PPFIA2: variants seen among roughly 807,000 people sequenced by gnomAD.
PPFIA2 encodes PPFI scaffold protein A2.
In PPFIA2, 46 loss-of-function variants were observed where a neutral mutation model predicts 175.5. The ratio of observed to expected loss-of-function variants is 0.26; its 90% CI spans 0.21 to 0.34. PPFIA2 has a LOEUF of 0.34. Among genes scored for constraint, PPFIA2 ranks in the 10% least tolerant of loss-of-function variants. The probability of loss-of-function intolerance (pLI) is 1.00; values close to 1 mark genes in which losing one functional copy is unlikely to be tolerated. For synonymous variants in PPFIA2, 568 were observed against 511.4 expected (o/e 1.11, Z -1.49); for missense variants, 1,179 against 1,506.1 (o/e 0.78, Z 3.60).
chr12:81,447,525 C>A (rs2051518799), intron 5 of PPFIA2, among the ~76,000 whole-genome samples: 1 of 152,154 alleles, frequency 6.6e-6, no homozygotes. Context: ...CATCTCTCAA[C>A]AAGGCATTTG....
intron 7 of PPFIA2, among the ~76,000 whole-genome samples, chr12:81,425,487 G>A (rs1286294268): frequency 5.9e-5 from 9 of 152,106 alleles, no homozygotes; most frequent in African/African-American, 2.2e-4. Context: ...GGGGACTACA[G>A]GCCTGTGCCA....
intron 4 of PPFIA2, among the ~76,000 whole-genome samples, chr12:81,581,517 C>G (rs184621095): frequency 2.7e-4 from 41 of 151,834 alleles, no homozygotes; most frequent in Admixed American, 4.6e-4. Flanking sequence ...ACTGCACACT[C>G]TAACACTCCC....
chr12:81,507,607 C>T (rs2061319898), intron 4 of PPFIA2, among the ~76,000 whole-genome samples: 1 of 152,076 alleles, frequency 6.6e-6, no homozygotes, highest in African/African-American at 2.4e-5. Context: ...TTTATTTTTC[C>T]AAACACATCC....
chr12:81,448,988 T>C (rs2051874868), intron 5 of PPFIA2, among the ~76,000 whole-genome samples: 1 of 152,174 alleles, frequency 6.6e-6, no homozygotes, highest in African/African-American at 2.4e-5. Flanking sequence ...CTATGGACAA[T>C]AAAATATCAA....
At chr12:81,319,351 A>C (rs2053156519) in intron 22 of PPFIA2, among the ~76,000 whole-genome samples, 3 of 151,730 alleles carry the variant, frequency 2.0e-5, no homozygotes, top group African/African-American at 4.8e-5. Context: ...ATTATTATTT[A>C]CGTTCAGGGA....
chr12:81,315,092 TTCTC>T (rs1480904031), intron 22 of PPFIA2, among the ~76,000 whole-genome samples: 1 of 151,806 alleles, frequency 6.6e-6, no homozygotes, highest in Non-Finnish European at 1.5e-5. Flanking sequence ...CTTGGATGGT[TTCTC>T]TCTCTGTCTC....
chr12:81,665,708 T>C (rs1199156401), intron 4 of PPFIA2, among the ~76,000 whole-genome samples: 2 of 151,880 alleles, frequency 1.3e-5, no homozygotes, highest in African/African-American at 2.4e-5. Context: ...AATCACATGG[T>C]TTAAGAAATA....
At chr12:81,337,810 C>G (rs1037036726) in intron 21 of PPFIA2, among the ~76,000 whole-genome samples, 1 of 152,098 alleles carries the variant, frequency 6.6e-6, no homozygotes, top group Non-Finnish European at 1.5e-5. Context: ...TATGACAGAT[C>G]ATTTGGTCAA....
chr12:81,305,006 G>C lies in PPFIA2; in HGVS notation c.2643-5624C>G, dbSNP rs2048803656. Among the ~76,000 whole-genome samples, 5 of 152,034 alleles carry C rather than the reference G, an allele frequency of 3.3e-5. No homozygotes were observed. The South Asian group carries it at 1.0e-3, about 32-fold the overall frequency. ...CAGAAGATAATGGTTGCTTTGTCCT[G>C]AGCTGTGGCAGCAGAAATGGTGAGA... On this transcript the variant is annotated intron_variant, in intron 22 of 32. Coordinates refer to ENST00000549396, the MANE Select transcript of PPFIA2 (RefSeq NM_003625.5).
In PPFIA2 at chr12:81,358,110, C is replaced by A. The variant is rs944124445; in HGVS notation, c.1745G>T (p.Arg582Leu). ...TGGCTCATCTCTTCGCACACCCATG[C>A]GGCCTCTCCTTGGTCTTCTTATTAC... The part of the protein sequence containing the change: ...TKVIRRPRRG[R>L]MGVRRDEPKV... The change falls in exon 16 of 33, where the codon CGC becomes CTC. Residue 582 changes from arginine (R) to leucine (L), a missense_variant. Physicochemically the swap from Arg to Leu is moderately radical, Grantham distance 102 (BLOSUM62 -2). This residue lies in a region of PPFIA2 where 186 missense variants were observed against 163.6 expected (regional missense o/e 1.14). Coordinates refer to ENST00000549396, the MANE Select transcript of PPFIA2 (RefSeq NM_003625.5). 2.5e-6 allele frequency: 4 copies of A among 1,605,196 alleles called. No homozygotes were observed. The highest frequency in any genetic ancestry group is 1.1e-5 in the South Asian group (1 of 89,260).
At chr12:81,548,716 A>G (rs996743082) in intron 4 of PPFIA2, among the ~76,000 whole-genome samples, 6 of 152,136 alleles carry the variant, frequency 3.9e-5, no homozygotes, top group Non-Finnish European at 7.4e-5. Context: ...TAAAGCTTGT[A>G]TGTAAAAATG....
chr12:81,657,555 G>T (rs535772968), intron 4 of PPFIA2, among the ~76,000 whole-genome samples: 1 of 152,084 alleles, frequency 6.6e-6, no homozygotes, highest in African/African-American at 2.4e-5. Flanking sequence ...CAGGCTATTA[G>T]GCTACACAGT....
intron 4 of PPFIA2, among the ~76,000 whole-genome samples, chr12:81,523,380 T>C (rs1458542987): frequency 6.6e-6 from 1 of 152,084 alleles, no homozygotes; most frequent in Non-Finnish European, 1.5e-5. Context: ...AATCTTCACA[T>C]GGTTGACCCA....
chr12:81,630,901 T>TA (rs1567640456), intron 4 of PPFIA2, among the ~76,000 whole-genome samples: 230 of 48,214 alleles, frequency 4.8e-3, no homozygotes, highest in African/African-American at 0.023. Context: ...ATATATATAT[T>TA]TTTTTTTTTT....
intron 3 of PPFIA2, among the ~76,000 whole-genome samples, chr12:81,690,871 T>A (rs1182073692): frequency 6.6e-6 from 1 of 152,114 alleles, no homozygotes; most frequent in Non-Finnish European, 1.5e-5. Flanking sequence ...GGCCTCTTCC[T>A]CCATCTTCAA....
At chr12:81,648,985 A>G (rs2066599424) in intron 4 of PPFIA2, among the ~76,000 whole-genome samples, 1 of 152,058 alleles carries the variant, frequency 6.6e-6, no homozygotes, top group South Asian at 2.1e-4. Context: ...TTCACAGATC[A>G]TAAGTCTAAA....
At chr12:81,340,931 T>A (rs983993328) in intron 20 of PPFIA2, 147 bp downstream of exon 20, 3 of 883,490 alleles carry the variant, frequency 3.4e-6, no homozygotes, top group Non-Finnish European at 4.9e-6. Context: ...AATTTGGTTA[T>A]TTCACAAGTG....
chr12:81,550,665 T>C (rs1342101419), intron 4 of PPFIA2, among the ~76,000 whole-genome samples: 2 of 152,098 alleles, frequency 1.3e-5, no homozygotes, highest in Admixed American at 1.3e-4. Context: ...TTTATGCTGA[T>C]ATTGATGTGC....
chr12:81,295,749 G>T (rs1332974388), intron 23 of PPFIA2, among the ~76,000 whole-genome samples: 1 of 152,184 alleles, frequency 6.6e-6, no homozygotes, highest in African/African-American at 2.4e-5. Context: ...TCAGCACTTT[G>T]GGAGGCCGAG....
Sources: gnomAD v4.1 joint callset for allele counts (sites outside exome capture counted in the v4.1 genomes callset) on GRCh38, gnomAD v4.1.1 for gene constraint, gnomAD v4.1.1 regional missense constraint, MANE v1.5 for transcripts, NCBI Gene and HGNC (gene_info 2026-07-23, HGNC 2026-07-21) for gene names.